ARHGAP24: variants seen among roughly 807,000 people sequenced by gnomAD.
ARHGAP24 encodes Rho GTPase activating protein 24.
Under a neutral mutation model 76.4 loss-of-function variants are expected in ARHGAP24, and 50 were observed. The ratio of observed to expected loss-of-function variants is 0.65; its 90% CI spans 0.52 to 0.83. The LOEUF is 0.83. Ranked by LOEUF, ARHGAP24 falls within the 40% of genes least tolerant of loss-of-function variation. ARHGAP24 has a pLI of 0.00. For missense variants in ARHGAP24, 930 were observed against 914.2 expected, an observed-to-expected ratio of 1.02 and a Z score of -0.22; for synonymous variants, 345 against 323.3, an observed-to-expected ratio of 1.07 and a Z score of -0.72.
At chr4:85,762,853 A>G (rs1266731124) in intron 3 of ARHGAP24, among the ~76,000 whole-genome samples, 1 of 152,222 alleles carries the variant, frequency 6.6e-6, no homozygotes, top group South Asian at 2.1e-4. Context: ...GTGAAGATCA[A>G]CAAGCTTAGA....
At chr4:85,819,689 C>T (rs574086949) in intron 3 of ARHGAP24, among the ~76,000 whole-genome samples, 46 of 152,220 alleles carry the variant, frequency 3.0e-4, no homozygotes, top group African/African-American at 1.1e-3. Flanking sequence ...GAGGCTGAGG[C>T]GGGCAGATCA....
intron 3 of ARHGAP24, among the ~76,000 whole-genome samples, chr4:85,914,089 A>G (rs1735231535): frequency 6.6e-6 from 1 of 152,224 alleles, no homozygotes; most frequent in Non-Finnish European, 1.5e-5. Flanking sequence ...CTCAACATGA[A>G]TGACATGTCC....
intron 5 of ARHGAP24, among the ~76,000 whole-genome samples, chr4:85,962,250 A>G (rs181807862): frequency 1.1e-4 from 17 of 152,228 alleles, no homozygotes; most frequent in Non-Finnish European, 8.8e-5. Flanking sequence ...AAAAAATACT[A>G]TTAAGTGTTT....
At chr4:85,797,160 T>G (rs1024026097) in intron 3 of ARHGAP24, among the ~76,000 whole-genome samples, 1 of 123,318 alleles carries the variant, frequency 8.1e-6, no homozygotes, top group East Asian at 1.9e-4. Flanking sequence ...AAATTTTTTT[T>G]GTTTTTTTTT....
At chr4:85,516,269 C>T (rs900996236) in intron 1 of ARHGAP24, among the ~76,000 whole-genome samples, 12 of 152,174 alleles carry the variant, frequency 7.9e-5, no homozygotes, top group Non-Finnish European at 1.8e-4. Flanking sequence ...TAAGCTCTGG[C>T]CACCTGCATC....
intron 2 of ARHGAP24, among the ~76,000 whole-genome samples, chr4:85,647,208 G>T (rs73833402): frequency 0.075 from 11,380 of 152,008 alleles, 1,096 homozygotes; most frequent in African/African-American, 0.23. Context: ...ATTATTATTA[G>T]TAGTAGTAGT....
intron 3 of ARHGAP24, among the ~76,000 whole-genome samples, chr4:85,728,706 C>A (rs1235534805): frequency 2.0e-5 from 3 of 151,996 alleles, no homozygotes; most frequent in Admixed American, 1.3e-4. Context: ...CATAATAGGC[C>A]AGCTGAGAAA....
Position 85,972,125 on chromosome 4 carries a change from A to AT in ARHGAP24, c.695dup (p.Leu232PhefsTer16), listed in dbSNP as rs1186245491. The AT allele has an allele frequency of 1.9e-6, 3 of 1,613,838 alleles. No homozygotes were observed. Among genetic ancestry groups the AT allele is most frequent in the African/African-American group, 1.3e-5 (1 of 74,966 alleles). On this transcript the variant is annotated frameshift_variant, in exon 6 of 10. Coordinates refer to ENST00000395184, the MANE Select transcript of ARHGAP24 (RefSeq NM_001025616.3). LOFTEE classifies it high-confidence loss of function. Reference sequence around the variant, plus strand: ...GTTATTCCTTATGCGAAGTATGAAGATTTTTTGTCATGTGCCAAACTGCTC... The same window carrying AT: ...GTTATTCCTTATGCGAAGTATGAAGATTTTTTTGTCATGTGCCAAACTGCTC...
chr4:85,501,497 G>A (rs1723814390), intron 1 of ARHGAP24, among the ~76,000 whole-genome samples: 1 of 152,120 alleles, frequency 6.6e-6, no homozygotes. Context: ...ATTTTTTCAT[G>A]TGTCTGTTGG....
chr4:85,895,000 GCAAAAAAAAAAA>G (rs1734085812), intron 3 of ARHGAP24, among the ~76,000 whole-genome samples: 3 of 47,986 alleles, frequency 6.3e-5, no homozygotes, highest in South Asian at 4.6e-4. Context: ...AAAACAAAAA[GCAAAAAAAAAAA>G]AAAAAAAAAG....
intron 2 of ARHGAP24, among the ~76,000 whole-genome samples, chr4:85,660,790 G>A (rs1156820430): frequency 6.0e-4 from 4 of 6,682 alleles, no homozygotes; most frequent in Non-Finnish European, 9.1e-4. Flanking sequence ...GAGAGACTCC[G>A]TCTCAAAAAA....
At chr4:85,873,936 T>G (rs1488530803) in intron 3 of ARHGAP24, among the ~76,000 whole-genome samples, 1 of 152,202 alleles carries the variant, frequency 6.6e-6, no homozygotes. Flanking sequence ...CTTTTAATAA[T>G]ATATTTTTCA....
chr4:85,684,045 GCAATAAACATATTGCTT>G (rs905944239), intron 2 of ARHGAP24, among the ~76,000 whole-genome samples: 5 of 152,172 alleles, frequency 3.3e-5, no homozygotes, highest in African/African-American at 1.2e-4. Flanking sequence ...GAATAGCACT[GCAATAAACATATTGCTT>G]CAATAAACAT....
chr4:85,926,635 A>G (rs1164361316), intron 4 of ARHGAP24, among the ~76,000 whole-genome samples: 3 of 152,236 alleles, frequency 2.0e-5, no homozygotes, highest in Admixed American at 1.3e-4. Flanking sequence ...TTTAAACAAT[A>G]AAGTTATATG....
intron 3 of ARHGAP24, among the ~76,000 whole-genome samples, chr4:85,837,903 G>A (rs1382838271): frequency 6.6e-6 from 1 of 152,140 alleles, no homozygotes; most frequent in Non-Finnish European, 1.5e-5. Context: ...GATCGGTATT[G>A]TATTTCTGCT....
At chr4:85,655,671 C>G (rs1722112360) in intron 2 of ARHGAP24, among the ~76,000 whole-genome samples, 1 of 151,100 alleles carries the variant, frequency 6.6e-6, no homozygotes, top group African/African-American at 2.4e-5. Flanking sequence ...ACTCAGAAGG[C>G]TGAGGTGGGA....
intron 8 of ARHGAP24, among the ~76,000 whole-genome samples, chr4:85,982,569 A>G (rs1739733721): frequency 6.6e-6 from 1 of 152,128 alleles, no homozygotes; most frequent in African/African-American, 2.4e-5. Flanking sequence ...AGGAGACCTC[A>G]CTGAGCACAT....
chr4:85,489,947 A>G (rs1162723162), intron 1 of ARHGAP24, among the ~76,000 whole-genome samples: 1 of 152,210 alleles, frequency 6.6e-6, no homozygotes, highest in Non-Finnish European at 1.5e-5. Flanking sequence ...TCTCTTAGAA[A>G]TAGCCATTAA....
At chr4:85,789,490 T>G (rs112649265) in intron 3 of ARHGAP24, among the ~76,000 whole-genome samples, 178 of 152,004 alleles carry the variant, frequency 1.2e-3, no homozygotes, top group African/African-American at 3.8e-3. Context: ...GGGAATTAGA[T>G]AGGAACAGAG....
Sources: allele counts gnomAD v4.1 joint callset (sites outside exome capture counted in the v4.1 genomes callset), GRCh38; gene constraint gnomAD v4.1.1; transcripts MANE v1.5; gene names NCBI Gene and HGNC (gene_info 2026-07-23, HGNC 2026-07-21).